COL23A1: variants seen among roughly 807,000 people sequenced by gnomAD.
The protein encoded by COL23A1 is collagen alpha-1(XXIII) chain.
Under a neutral mutation model 99.3 loss-of-function variants are expected in COL23A1, and 97 were observed. The observed-to-expected ratio is 0.98, with a 90% CI of 0.83 to 1.16. The LOEUF (loss-of-function observed/expected upper bound fraction) is 1.16. COL23A1 is among the 50% of genes most tolerant of loss of function. The pLI is 0.00. For missense variants in COL23A1, 762 were observed against 757.4 expected, an observed-to-expected ratio of 1.01 and a Z score of -0.07; for synonymous variants, 320 against 308.2, an observed-to-expected ratio of 1.04 and a Z score of -0.40.
intron 1 of COL23A1, among the ~76,000 whole-genome samples, chr5:178,563,563 A>C (rs1581646558): frequency 2.7e-5 from 3 of 112,214 alleles, no homozygotes; most frequent in Non-Finnish European, 3.4e-5. Context: ...ACAGGGTCTC[A>C]CTCTGTCATC....
chr5:178,585,996 GA>G (rs1763983920), intron 1 of COL23A1, among the ~76,000 whole-genome samples: 1 of 152,190 alleles, frequency 6.6e-6, no homozygotes, highest in South Asian at 2.1e-4. Context: ...AACCTCTCAA[GA>G]AGACCGCTCT....
intron 2 of COL23A1, among the ~76,000 whole-genome samples, chr5:178,358,707 GTGTA>G (rs202011021): frequency 6.1e-5 from 9 of 147,262 alleles, no homozygotes; most frequent in Middle Eastern, 3.3e-3. Flanking sequence ...ATGTGTATGT[GTGTA>G]TGTGTGTATG....
At chr5:178,360,147 T>G (rs1414451562) in intron 2 of COL23A1, among the ~76,000 whole-genome samples, 1 of 151,870 alleles carries the variant, frequency 6.6e-6, no homozygotes, top group Non-Finnish European at 1.5e-5. Context: ...AGGGATAGCC[T>G]CTCCTGCCCA....
Position 178,499,079 on chromosome 5 carries a change from G to A in COL23A1, c.361+61603C>T, listed in dbSNP as rs183070616. Among the ~76,000 whole-genome samples, 195 of 152,224 alleles carry A rather than the reference G, an allele frequency of 1.3e-3. 1 individual carries two copies. The highest frequency in any genetic ancestry group is 4.4e-3 in the African/African-American group (184 of 41,536). On this transcript the variant is annotated intron_variant, in intron 2 of 28. Coordinates refer to ENST00000390654, the MANE Select transcript of COL23A1 (RefSeq NM_173465.4). Reference sequence around the variant, plus strand: ...CACTCCAGCCTCAGTGACAGAGTGAGATTCCATCTCAAAAATATAAATAAA... The same window carrying A: ...CACTCCAGCCTCAGTGACAGAGTGAAATTCCATCTCAAAAATATAAATAAA...
intron 2 of COL23A1, among the ~76,000 whole-genome samples, chr5:178,334,272 A>T (rs1398763659): frequency 6.6e-6 from 1 of 152,210 alleles, no homozygotes; most frequent in Admixed American, 6.5e-5. Context: ...TGTCCACATC[A>T]GCAAGACGAC....
intron 2 of COL23A1, among the ~76,000 whole-genome samples, chr5:178,503,453 G>C (rs1235920752): frequency 1.3e-5 from 2 of 152,194 alleles, no homozygotes; most frequent in African/African-American, 4.8e-5. Flanking sequence ...CTGTATTGCA[G>C]GCAGAAAATG....
At chr5:178,446,491 T>G (rs1339133921) in intron 2 of COL23A1, among the ~76,000 whole-genome samples, 1 of 152,178 alleles carries the variant, frequency 6.6e-6, no homozygotes, top group Admixed American at 6.5e-5. Flanking sequence ...TTCTTTTGGC[T>G]TCTCTAAATT....
At chr5:178,248,775 C>T (rs958820157) in intron 19 of COL23A1, among the ~76,000 whole-genome samples, 1 of 152,168 alleles carries the variant, frequency 6.6e-6, no homozygotes, top group Non-Finnish European at 1.5e-5. Context: ...GTTGCTCGCC[C>T]AGGGTTCCAG....
chr5:178,469,691 TCA>T (rs1340623821), intron 2 of COL23A1, among the ~76,000 whole-genome samples: 1 of 151,936 alleles, frequency 6.6e-6, no homozygotes, highest in African/African-American at 2.4e-5. Context: ...CCTCCCCTCT[TCA>T]GAGAGCCCCC....
At chr5:178,454,502 G>C (rs539547803) in intron 2 of COL23A1, among the ~76,000 whole-genome samples, 41 of 152,338 alleles carry the variant, frequency 2.7e-4, no homozygotes, top group African/African-American at 9.4e-4. Flanking sequence ...GGGGTGACCA[G>C]AAAGGAGGAA....
At chr5:178,467,441 T>C (rs1041070559) in intron 2 of COL23A1, among the ~76,000 whole-genome samples, 3 of 152,188 alleles carry the variant, frequency 2.0e-5, no homozygotes, top group Admixed American at 6.5e-5. Flanking sequence ...CTCCCTGCCT[T>C]AGGAAGTGTG....
chr5:178,580,762 G>A (rs1303487458), intron 1 of COL23A1, among the ~76,000 whole-genome samples: 2 of 152,228 alleles, frequency 1.3e-5, no homozygotes, highest in Non-Finnish European at 2.9e-5. Context: ...GCTCATGCCT[G>A]TAATCTCAAC....
chr5:178,324,379 T>C (rs1018824663), intron 2 of COL23A1, among the ~76,000 whole-genome samples: 3 of 152,210 alleles, frequency 2.0e-5, no homozygotes, highest in African/African-American at 7.2e-5. Flanking sequence ...TGCTGTGTTG[T>C]CTTTTATGCG....
chr5:178,325,977 C>T (rs1759629866), intron 2 of COL23A1, among the ~76,000 whole-genome samples: 1 of 152,226 alleles, frequency 6.6e-6, no homozygotes, highest in South Asian at 2.1e-4. Context: ...CTAGCCAGGG[C>T]TGTTGGAAAC....
rs1406814929 is a variant in COL23A1 at position 178,589,422 on chromosome 5, G to A, written c.294+482C>T. 6.6e-6 allele frequency among the ~76,000 whole-genome samples: 1 copy of A among 150,636 alleles called. No homozygotes were observed. Among genetic ancestry groups the A allele is most frequent in the Admixed American group, 6.6e-5 (1 of 15,190 alleles). On this transcript the variant is annotated intron_variant, in intron 1 of 28. Coordinates refer to ENST00000390654, the MANE Select transcript of COL23A1 (RefSeq NM_173465.4). This position sits in a 1 kb window ranked among gnomAD's most constrained non-coding sequence, Gnocchi z 5.4. ...TGGAGACACACTGGAGCACAGCGGG[G>A]CCCAGCCCTCGGGCCTGTCTGAGGC...
intron 2 of COL23A1, among the ~76,000 whole-genome samples, chr5:178,552,657 C>T (rs1004188504): frequency 2.7e-5 from 4 of 149,198 alleles, no homozygotes; most frequent in African/African-American, 9.9e-5. Flanking sequence ...AGCAGGAGTT[C>T]GAGACCTGCC....
At chr5:178,244,690 T>G (rs1340015386) in intron 25 of COL23A1, among the ~76,000 whole-genome samples, 1 of 152,262 alleles carries the variant, frequency 6.6e-6, no homozygotes, top group African/African-American at 2.4e-5. Flanking sequence ...TTGACACAGT[T>G]GAGCCCTGGA....
intron 2 of COL23A1, among the ~76,000 whole-genome samples, chr5:178,430,289 G>A (rs1419335117): frequency 6.6e-6 from 1 of 152,046 alleles, no homozygotes; most frequent in Non-Finnish European, 1.5e-5. Flanking sequence ...ACTTCACTGG[G>A]GCCCCAGGTT....
chr5:178,558,111 GC>G (rs1762378786), intron 2 of COL23A1, among the ~76,000 whole-genome samples: 1 of 149,770 alleles, frequency 6.7e-6, no homozygotes, highest in African/African-American at 2.5e-5. Flanking sequence ...GCTCTGACCA[GC>G]CCTTCAGTCC....
Sources: gnomAD v4.1 joint callset for allele counts (sites outside exome capture counted in the v4.1 genomes callset) on GRCh38, gnomAD v4.1.1 for gene constraint, Gnocchi (gnomAD v3.1) non-coding constraint, MANE v1.5 for transcripts, NCBI Gene and HGNC (gene_info 2026-07-23, HGNC 2026-07-21) for gene names.